The following BMP6 variants were observed in gnomAD, a reference collection of about 807,000 sequenced individuals.
BMP6 encodes bone morphogenetic protein 6.
BMP6 carries 17 observed loss-of-function variants against 54.1 expected under a neutral mutation model. That is an observed-to-expected ratio of 0.31 (90% CI 0.22 to 0.47). The LOEUF is 0.47. Among genes scored for constraint, BMP6 ranks in the 20% least tolerant of loss-of-function variants. The probability of loss-of-function intolerance (pLI) is 1.00; values close to 1 mark genes in which losing one functional copy is unlikely to be tolerated. For missense variants in BMP6, 720 were observed against 690.4 expected (o/e 1.04, Z -0.48); for synonymous variants, 328 against 291.2 (o/e 1.13, Z -1.28).
intron 1 of BMP6, among the ~76,000 whole-genome samples, chr6:7,839,121 A>G (rs1045281345): frequency 6.6e-6 from 1 of 152,154 alleles, no homozygotes; most frequent in African/African-American, 2.4e-5. Context: ...CACAAAATTT[A>G]GACAGTTTTT....
At chr6:7,767,769 T>A (rs1344266772) in intron 1 of BMP6, among the ~76,000 whole-genome samples, 1 of 152,234 alleles carries the variant, frequency 6.6e-6, no homozygotes, top group Non-Finnish European at 1.5e-5. Context: ...TGGTGCTTGC[T>A]GTGTCTCTTG....
chr6:7,787,677 G>C (rs1361561826), intron 1 of BMP6, among the ~76,000 whole-genome samples: 1 of 152,188 alleles, frequency 6.6e-6, no homozygotes, highest in South Asian at 2.1e-4. Flanking sequence ...GTCTCATTCA[G>C]CTCTAGCATA....
chr6:7,798,719 T>G (rs1207631058), intron 1 of BMP6, among the ~76,000 whole-genome samples: 1 of 152,188 alleles, frequency 6.6e-6, no homozygotes, highest in Non-Finnish European at 1.5e-5. Context: ...GACCTCCACC[T>G]GTTGAGAAAA....
chr6:7,817,586 TG>T (rs1561781552), intron 1 of BMP6, among the ~76,000 whole-genome samples: 1 of 28,486 alleles, frequency 3.5e-5, no homozygotes. Flanking sequence ...GCGTGGGGGG[TG>T]GGGGGAGGGA....
chr6:7,778,168 G>C (rs955711408), intron 1 of BMP6, among the ~76,000 whole-genome samples: 3 of 152,144 alleles, frequency 2.0e-5, no homozygotes, highest in African/African-American at 7.2e-5. Context: ...TGTCATAAAA[G>C]GCGTGACGTA....
At chr6:7,840,609 G>A (rs1370960660) in intron 1 of BMP6, among the ~76,000 whole-genome samples, 8 of 152,078 alleles carry the variant, frequency 5.3e-5, no homozygotes, top group Admixed American at 2.6e-4. Context: ...GTTTTATAAA[G>A]CTTCGTTTGT....
intron 1 of BMP6, among the ~76,000 whole-genome samples, chr6:7,765,842 C>T (rs34337166): frequency 0.13 from 19,244 of 152,268 alleles, 1,434 homozygotes; most frequent in East Asian, 0.3. Flanking sequence ...TTTCCAGTTC[C>T]TAGTAACCGC....
chr6:7,867,907 C>T (rs1021171044), intron 4 of BMP6, among the ~76,000 whole-genome samples: 4 of 152,238 alleles, frequency 2.6e-5, no homozygotes, highest in African/African-American at 9.6e-5. Context: ...AAGGTTCACT[C>T]CTTGCAAATG....
chr6:7,784,355 C>A (rs184643465), intron 1 of BMP6, among the ~76,000 whole-genome samples: 4 of 152,122 alleles, frequency 2.6e-5, no homozygotes, highest in Non-Finnish European at 5.9e-5. Flanking sequence ...TCTTCAGTAC[C>A]AGTTCTTTCC....
chr6:7,808,189 G>A (rs1042786204), intron 1 of BMP6, among the ~76,000 whole-genome samples: 5 of 151,984 alleles, frequency 3.3e-5, no homozygotes, highest in Non-Finnish European at 7.4e-5. Flanking sequence ...CAAAGTGCTG[G>A]GATTACAGGC....
intron 5 of BMP6, among the ~76,000 whole-genome samples, 181 bp from the exon 6 acceptor site, chr6:7,879,810 A>C (rs45447699): frequency 1.3e-5 from 2 of 152,300 alleles, no homozygotes; most frequent in Non-Finnish European, 2.9e-5. Flanking sequence ...GGTCAGATGG[A>C]CCAGGTTCAC....
intron 1 of BMP6, among the ~76,000 whole-genome samples, chr6:7,831,478 T>A (rs1758792426): frequency 6.6e-6 from 1 of 152,184 alleles, no homozygotes; most frequent in Non-Finnish European, 1.5e-5. Flanking sequence ...TTGAAAAGAA[T>A]GAAAGATAAA....
At chr6:7,750,511 T>G (rs1757406113) in intron 1 of BMP6, among the ~76,000 whole-genome samples, 2 of 152,206 alleles carry the variant, frequency 1.3e-5, no homozygotes, top group South Asian at 4.1e-4. Context: ...CAGTGACTTT[T>G]GCAATAACGA....
chr6:7,880,479 A>G lies in BMP6; in HGVS notation c.*136A>G. On this transcript the variant is annotated 3_prime_UTR_variant, in exon 7 of 7. Coordinates refer to ENST00000283147, the MANE Select transcript of BMP6 (RefSeq NM_001718.6). ...ATCTCATGCCAGTGCCTTATTACCC[A>G]GGAAGATTTTAAAGGACCTCATTAA... 2 of 1,233,198 alleles carry G rather than the reference A, an allele frequency of 1.6e-6. No homozygotes were observed. The highest frequency in any genetic ancestry group is 2.3e-6 in the Non-Finnish European group (2 of 882,276). The allele number at this position is 1,233,198 out of a possible 1,614,324, so 76.4% of individuals were successfully genotyped here. A position where few individuals can be genotyped will look rare whatever the true frequency, so the allele number is the denominator to read the frequency against.
At chr6:7,811,810 T>C (rs1338444442) in intron 1 of BMP6, among the ~76,000 whole-genome samples, 2 of 152,242 alleles carry the variant, frequency 1.3e-5, no homozygotes, top group Admixed American at 6.5e-5. Context: ...GAGATGAGAA[T>C]GCTTTCTGCA....
intron 1 of BMP6, among the ~76,000 whole-genome samples, chr6:7,822,054 C>T (rs1758618976): frequency 6.6e-6 from 1 of 151,632 alleles, no homozygotes; most frequent in Non-Finnish European, 1.5e-5. Flanking sequence ...GAGTTTTGGT[C>T]TTGTTGCCCA....
chr6:7,774,127 G>T (rs1757828279), intron 1 of BMP6, among the ~76,000 whole-genome samples: 2 of 152,188 alleles, frequency 1.3e-5, no homozygotes, highest in South Asian at 2.1e-4. Context: ...GCTAGAATAA[G>T]GTGTTTTTCG....
intron 1 of BMP6, among the ~76,000 whole-genome samples, chr6:7,741,772 A>G (rs537245522): frequency 6.6e-6 from 1 of 152,352 alleles, no homozygotes; most frequent in African/African-American, 2.4e-5. Context: ...TTTGCAGCTG[A>G]GCTGCATGAG....
At chr6:7,764,561 G>T (rs913303871) in intron 1 of BMP6, among the ~76,000 whole-genome samples, 3 of 152,120 alleles carry the variant, frequency 2.0e-5, no homozygotes, top group African/African-American at 7.2e-5. Context: ...TCAGATGTTC[G>T]TTCTGATGGT....
Sources: allele counts gnomAD v4.1 joint callset (sites outside exome capture counted in the v4.1 genomes callset), GRCh38; gene constraint gnomAD v4.1.1; transcripts MANE v1.5; gene names NCBI Gene and HGNC (gene_info 2026-07-23, HGNC 2026-07-21).